Variants in PRR5 observed in about 807,000 individuals in gnomAD.
PRR5 encodes the protein proline rich 5.
In PRR5, 25 loss-of-function variants were observed where a neutral mutation model predicts 30.6. The observed-to-expected ratio is 0.82, with a 90% CI of 0.60 to 1.14. The LOEUF (loss-of-function observed/expected upper bound fraction) is 1.14, where lower values mean the gene tolerates loss of function less well. PRR5 is among the 50% of genes most tolerant of loss of function. PRR5 has a pLI of 0.00. For missense variants in PRR5, 600 were observed against 547.1 expected (o/e 1.10, Z -0.96); for synonymous variants, 286 against 247.1 (o/e 1.16, Z -1.48).
chr22:44,697,799 CTGTT>C (rs930160699), upstream of PRR5, among the ~76,000 whole-genome samples: 12 of 152,328 alleles, frequency 7.9e-5, 1 homozygote, highest in African/African-American at 2.4e-4. Context: ...CCCTGGGCCT[CTGTT>C]TGTCTGTCTG....
intron 2 of PRR5, among the ~76,000 whole-genome samples, chr22:44,720,523 G>A (rs945894395): frequency 6.6e-6 from 1 of 152,210 alleles, no homozygotes; most frequent in Admixed American, 6.5e-5. Flanking sequence ...CACAGGTCAG[G>A]AATGAGGGGA....
chr22:44,714,391 G>A (rs1167580468), intron 1 of PRR5, among the ~76,000 whole-genome samples, 200 bp from the exon 2 acceptor site: 1 of 152,182 alleles, frequency 6.6e-6, no homozygotes, highest in African/African-American at 2.4e-5. Context: ...TGACCAGAGG[G>A]CATCTGGTGA....
chr22:44,717,904 G>A (rs1008060149), intron 2 of PRR5, among the ~76,000 whole-genome samples: 10 of 151,898 alleles, frequency 6.6e-5, no homozygotes, highest in Non-Finnish European at 1.0e-4. Flanking sequence ...TAGTAGAGAC[G>A]GGGTTTGTCC....
chr22:44,722,283 A>G (rs955331435), intron 2 of PRR5, among the ~76,000 whole-genome samples: 5 of 152,344 alleles, frequency 3.3e-5, no homozygotes, highest in African/African-American at 1.2e-4. Flanking sequence ...CAGCTTCCCC[A>G]TCCATGAAAT....
chr22:44,709,321 T>C (rs2147049474), intron 1 of PRR5, among the ~76,000 whole-genome samples: 1 of 152,208 alleles, frequency 6.6e-6, no homozygotes, highest in Non-Finnish European at 1.5e-5. Flanking sequence ...GACTTTGTAA[T>C]CACAAGGGTC....
rs111698304 is a variant in PRR5, at chr22:44,726,696, T to C, written c.322+62T>C. On this transcript the variant is annotated intron_variant, in intron 4 of 7. Transcript: ENST00000336985. ...GCTGGGTCCTGGCTGGCTGCTGGAC[T>C]GCTGGGCCTCGTGCTGGGGGCCTCT... 4,080 of 1,611,552 alleles carry C rather than the reference T, an allele frequency of 2.5e-3. 89 individuals carry two copies. In the African/African-American group the frequency reaches 0.049, roughly 19 times the overall value.
intron 1 of PRR5, among the ~76,000 whole-genome samples, chr22:44,678,573 C>G (rs569079968): frequency 2.0e-5 from 3 of 152,172 alleles, no homozygotes; most frequent in Non-Finnish European, 2.9e-5. Flanking sequence ...CCTCTGCCCC[C>G]CAAAGTGCTG....
At chr22:44,718,841 GTTAT>G (rs1929504051) in intron 2 of PRR5, among the ~76,000 whole-genome samples, 2 of 152,066 alleles carry the variant, frequency 1.3e-5, no homozygotes, top group Admixed American at 6.6e-5. Flanking sequence ...TTTCAGTTGG[GTTAT>G]TTGTCTTTGT....
At position 44,691,218 on chromosome 22, in the gene PRR5, G is replaced by A. The variant is rs1037057427; in HGVS notation, c.-10-11274G>A. 2.0e-5 allele frequency among the ~76,000 whole-genome samples: 3 copies of A among 152,174 alleles called. No individual in the cohort carries two copies. Among genetic ancestry groups the A allele is most frequent in the African/African-American group, 7.2e-5 (3 of 41,420 alleles). On this transcript the variant is annotated intron_variant, in intron 1 of 8. Transcript: ENST00000006251. The surrounding 1 kb of genome is among the most constrained non-coding windows in gnomAD (Gnocchi z 4.4). ...TCTGGGCTGCTTCCGGGAGGATTTG[G>A]GTAGAGAAAACCGGGGTCTGGAATG...
intron 4 of PRR5, 192 bp from the exon 5 acceptor site, chr22:44,731,538 C>T (rs1378713440): frequency 1.7e-6 from 1 of 602,896 alleles, no homozygotes; most frequent in Non-Finnish European, 3.0e-6. Context: ...AAATGGAAGA[C>T]TGAGGTTAAG....
chr22:44,682,600 G>T (rs993821670), intron 1 of PRR5, among the ~76,000 whole-genome samples: 1 of 152,218 alleles, frequency 6.6e-6, no homozygotes, highest in South Asian at 2.1e-4. Flanking sequence ...ATTTGGCCAA[G>T]GTCAGATTTG....
intron 1 of PRR5, among the ~76,000 whole-genome samples, chr22:44,686,216 A>G (rs1367558238): frequency 1.3e-5 from 2 of 151,758 alleles, no homozygotes; most frequent in Non-Finnish European, 2.9e-5. Context: ...GCACCACTGC[A>G]CTCCAGCCTG....
chr22:44,702,789 A>C (rs1027648299), intron 1 of PRR5, among the ~76,000 whole-genome samples, 181 bp downstream of exon 1: 1 of 152,120 alleles, frequency 6.6e-6, no homozygotes, highest in African/African-American at 2.4e-5. Flanking sequence ...AGTTCAGTGC[A>C]GCGTGGTTCC....
chr22:44,702,375 C>T lies in PRR5; in HGVS notation c.-100C>T. On this transcript the variant is annotated 5_prime_UTR_variant, in exon 1 of 8. Transcript: ENST00000336985. ...GGCTTCCTGCTCTCGCCGGAGTTTC[C>T]GCGTAGAGGGCGCATCGCCGGCCCG... 8.4e-7 allele frequency: 1 copy of T among 1,197,106 alleles called. No homozygotes were observed. Among genetic ancestry groups the T allele is most frequent in the Non-Finnish European group, 1.0e-6 (1 of 963,450 alleles). The allele number at this position is 1,197,106 out of a possible 1,614,324, so 74.2% of individuals were successfully genotyped here.
rs1314208585 is a variant in PRR5 at position 44,691,415 on chromosome 22, G to A, written c.-10-11077G>A. 6.6e-6 allele frequency among the ~76,000 whole-genome samples: 1 copy of A among 152,150 alleles called. No individual in the cohort carries two copies. Among genetic ancestry groups the A allele is most frequent in the Non-Finnish European group, 1.5e-5 (1 of 68,022 alleles). ...GCGCTGGGCACAGCATGTACTCAGC[G>A]GTGGGGACCCTGCCCTAGACTCAGT... is the stretch of plus-strand genomic sequence containing the variant. On this transcript the variant is annotated intron_variant, in intron 1 of 8. Transcript: ENST00000006251. The surrounding 1 kb of genome is among the most constrained non-coding windows in gnomAD (Gnocchi z 4.4).
At chr22:44,717,815 C>G (rs1929317337) in intron 2 of PRR5, among the ~76,000 whole-genome samples, 1 of 151,448 alleles carries the variant, frequency 6.6e-6, no homozygotes, top group Non-Finnish European at 1.5e-5. Context: ...CTCCCAGGTT[C>G]AAGGATTCTC....
chr22:44,682,557 G>A (rs781419361), intron 1 of PRR5, among the ~76,000 whole-genome samples: 20 of 152,168 alleles, frequency 1.3e-4, no homozygotes, highest in Admixed American at 1.0e-3. Context: ...ATGAAAGCCT[G>A]GTGAAGACAT....
intron 1 of PRR5, among the ~76,000 whole-genome samples, chr22:44,704,385 C>T (rs1926856937): frequency 6.6e-6 from 1 of 152,114 alleles, no homozygotes; most frequent in African/African-American, 2.4e-5. Context: ...CTGCCCTCAC[C>T]CAACCTTGGG....
Position 44,730,967 on chromosome 22 carries a change from G to C in PRR5, c.323-763G>C, listed in dbSNP as rs534375693. 2.4e-4 allele frequency: 105 copies of C among 445,618 alleles called. 2 individuals are homozygous for C. The highest frequency in any genetic ancestry group is 1.8e-3 in the South Asian group (100 of 57,040). 27.6% of individuals were successfully genotyped at this position (445,618 alleles called of 1,614,324 possible). On this transcript the variant is annotated intron_variant, in intron 4 of 7. Transcript: ENST00000336985. ...TGGATGGGCAGCTGTTTGGGGCTCA[G>C]CTGGGTCCCCAGTGCCCAGCATCAG...
Sources: gnomAD v4.1 joint callset for allele counts (sites outside exome capture counted in the v4.1 genomes callset) on GRCh38, gnomAD v4.1.1 for gene constraint, Gnocchi (gnomAD v3.1) non-coding constraint, MANE v1.5 for transcripts, NCBI Gene and HGNC (gene_info 2026-07-23, HGNC 2026-07-21) for gene names.